KCNIP4: variants seen among roughly 807,000 people sequenced by gnomAD.
The protein encoded by KCNIP4 is potassium voltage-gated channel interacting protein 4, also known as Kv channel-interacting protein 4.
Under a neutral mutation model 34.0 loss-of-function variants are expected in KCNIP4, and 12 were observed. The observed-to-expected ratio is 0.35, with a 90% confidence interval of 0.23 to 0.57. KCNIP4 has a LOEUF of 0.57. Ranked by LOEUF, KCNIP4 falls within the 20% of genes least tolerant of loss-of-function variation. KCNIP4 has a pLI of 0.83. For synonymous variants in KCNIP4, 124 were observed against 102.2 expected (o/e 1.21, Z -1.29); for missense variants, 238 against 311.7 (o/e 0.76, Z 1.78).
chr4:20,815,103 A>G (rs1389197220), intron 3 of KCNIP4, among the ~76,000 whole-genome samples: 1 of 152,160 alleles, frequency 6.6e-6, no homozygotes. Flanking sequence ...GATCAACTTA[A>G]TCATTATTAT....
At chr4:21,901,952 A>T (rs1349307477) in intron 1 of KCNIP4, among the ~76,000 whole-genome samples, 1 of 152,192 alleles carries the variant, frequency 6.6e-6, no homozygotes, top group Admixed American at 6.5e-5. Context: ...CTCAGATACA[A>T]CCAACAATAG....
At chr4:21,385,501 A>G (rs1721947039) in intron 1 of KCNIP4, among the ~76,000 whole-genome samples, 1 of 152,192 alleles carries the variant, frequency 6.6e-6, no homozygotes, top group African/African-American at 2.4e-5. Flanking sequence ...TCCTAAGTTA[A>G]GGGACCTCAA....
At chr4:21,762,849 G>A (rs1718152122) in intron 1 of KCNIP4, 1 of 963,942 alleles carries the variant, frequency 1.0e-6, no homozygotes, top group Admixed American at 2.7e-5. Flanking sequence ...ATATAAGTGT[G>A]AGAAAGGAAA....
intron 1 of KCNIP4, among the ~76,000 whole-genome samples, chr4:20,932,912 A>G (rs968649150): frequency 1.3e-5 from 2 of 152,138 alleles, no homozygotes; most frequent in African/African-American, 4.8e-5. Context: ...ATTTAGAGAA[A>G]TCCTCATAGC....
At chr4:21,821,746 T>C (rs978087404) in intron 1 of KCNIP4, among the ~76,000 whole-genome samples, 7 of 152,144 alleles carry the variant, frequency 4.6e-5, no homozygotes, top group Non-Finnish European at 8.8e-5. Flanking sequence ...AATGAATGAA[T>C]GAGTACAGTT....
chr4:21,000,316 A>G (rs923730163), intron 1 of KCNIP4, among the ~76,000 whole-genome samples: 20 of 152,102 alleles, frequency 1.3e-4, no homozygotes, highest in Non-Finnish European at 2.6e-4. Context: ...CAGAAAAAAA[A>G]GATAGAGTAA....
At chr4:21,247,884 C>T (rs1254322301) in intron 1 of KCNIP4, among the ~76,000 whole-genome samples, 1 of 111,938 alleles carries the variant, frequency 8.9e-6, no homozygotes, top group Non-Finnish European at 1.7e-5. Flanking sequence ...ACACACACAC[C>T]ACAGGTAGAT....
intron 1 of KCNIP4, among the ~76,000 whole-genome samples, chr4:21,764,355 C>G (rs1044225581): frequency 6.6e-6 from 1 of 151,950 alleles, no homozygotes; most frequent in Non-Finnish European, 1.5e-5. Context: ...GTTTGCAACT[C>G]AGAAGAGAAA....
chr4:20,882,479 A>G, intron 2 of KCNIP4, 129 bp downstream of exon 2: 1 of 674,048 alleles, frequency 1.5e-6, no homozygotes, highest in Middle Eastern at 3.5e-4. Context: ...ATTTAGGTAA[A>G]CATGAGTACA....
intron 1 of KCNIP4, among the ~76,000 whole-genome samples, chr4:21,457,787 G>T (rs370255090): frequency 3.3e-5 from 5 of 152,138 alleles, no homozygotes; most frequent in African/African-American, 1.2e-4. Flanking sequence ...GGACTGCTGG[G>T]AATGTAGTCC....
intron 1 of KCNIP4, among the ~76,000 whole-genome samples, chr4:20,931,616 G>C (rs554333588): frequency 6.6e-6 from 1 of 151,866 alleles, no homozygotes; most frequent in African/African-American, 2.4e-5. Flanking sequence ...GTAAAAATGT[G>C]GTATTATAAT....
At chr4:21,457,082 T>C (rs1369923588) in intron 1 of KCNIP4, among the ~76,000 whole-genome samples, 1 of 152,082 alleles carries the variant, frequency 6.6e-6, no homozygotes, top group Non-Finnish European at 1.5e-5. Context: ...ATCTGACTTT[T>C]CCTTTTTCAC....
chr4:21,786,701 G>A (rs1270724949), intron 1 of KCNIP4, among the ~76,000 whole-genome samples: 2 of 151,540 alleles, frequency 1.3e-5, no homozygotes, highest in East Asian at 3.9e-4. Context: ...CCGAGTAGCT[G>A]GGACTACAGG....
chr4:21,397,068 G>C (rs1723072191), intron 1 of KCNIP4, among the ~76,000 whole-genome samples: 1 of 152,072 alleles, frequency 6.6e-6, no homozygotes, highest in South Asian at 2.1e-4. Context: ...TTGGCAACTG[G>C]GGGTGTTCTT....
chr4:20,961,612 A>G (rs1733859107), intron 1 of KCNIP4, among the ~76,000 whole-genome samples: 1 of 152,202 alleles, frequency 6.6e-6, no homozygotes, highest in African/African-American at 2.4e-5. Context: ...TTGCCTTGTG[A>G]TCAACTGAGT....
In KCNIP4 at chr4:20,737,227, T is replaced by C. The variant is rs150642602; in HGVS notation, c.430-2492A>G. ...GAGAGGAGAAGCTGGCAAAGCATCT[T>C]GAAAAGAAGTTGCTAAAGAAGTGAG... On this transcript the variant is annotated intron_variant, in intron 5 of 8. Coordinates refer to ENST00000382152, the MANE Select transcript of KCNIP4 (RefSeq NM_025221.6). Among the ~76,000 whole-genome samples, 163 of 152,210 alleles carry C rather than the reference T, an allele frequency of 1.1e-3. 1 individual carries two copies. Among genetic ancestry groups the C allele is most frequent in the African/African-American group, 3.8e-3 (158 of 41,530 alleles).
At chr4:20,804,806 G>A (rs931163566) in intron 3 of KCNIP4, among the ~76,000 whole-genome samples, 4 of 152,080 alleles carry the variant, frequency 2.6e-5, no homozygotes, top group African/African-American at 9.7e-5. Context: ...GGAAACAACT[G>A]GATCAAAATA....
At chr4:20,874,835 T>C (rs1446453512) in intron 2 of KCNIP4, among the ~76,000 whole-genome samples, 3 of 152,140 alleles carry the variant, frequency 2.0e-5, no homozygotes, top group Non-Finnish European at 2.9e-5. Flanking sequence ...TTCTAATAGG[T>C]AAAACATATA....
intron 1 of KCNIP4, among the ~76,000 whole-genome samples, chr4:21,104,411 C>T (rs1329012926): frequency 2.6e-5 from 4 of 152,258 alleles, no homozygotes; most frequent in South Asian, 2.1e-4. Context: ...AGTGTCTGTT[C>T]ATATCCTTCA....
Sources: allele counts gnomAD v4.1 joint callset (sites outside exome capture counted in the v4.1 genomes callset), GRCh38; gene constraint gnomAD v4.1.1; transcripts MANE v1.5; gene names NCBI Gene and HGNC (gene_info 2026-07-23, HGNC 2026-07-21).